The following RNGTT variants were observed in gnomAD, a reference collection of about 807,000 sequenced individuals.
The protein encoded by RNGTT is mRNA-capping enzyme.
RNGTT carries 33 observed loss-of-function variants against 79.3 expected under a neutral mutation model. The ratio of observed to expected loss-of-function variants is 0.42; its 90% CI spans 0.32 to 0.56. The LOEUF is 0.56. Among genes scored for constraint, RNGTT ranks in the 20% least tolerant of loss-of-function variants. The pLI is 0.17. For synonymous variants in RNGTT, 222 were observed against 235.9 expected (o/e 0.94, Z 0.54); for missense variants, 497 against 739.1 (o/e 0.67, Z 3.80).
chr6:88,904,053 A>C (rs1582112471), intron 6 of RNGTT, among the ~76,000 whole-genome samples: 1 of 152,250 alleles, frequency 6.6e-6, no homozygotes, highest in African/African-American at 2.4e-5. Flanking sequence ...ATTCATATGT[A>C]AAGTTATTTT....
intron 2 of RNGTT, among the ~76,000 whole-genome samples, chr6:88,934,842 G>C (rs1262877260): frequency 6.6e-6 from 1 of 151,862 alleles, no homozygotes; most frequent in Non-Finnish European, 1.5e-5. Flanking sequence ...TCCAATTCCT[G>C]GCCTCAAGCA....
At chr6:88,928,490 C>A (rs774110554) in intron 4 of RNGTT, among the ~76,000 whole-genome samples, 2 of 152,032 alleles carry the variant, frequency 1.3e-5, no homozygotes, top group Non-Finnish European at 2.9e-5. Flanking sequence ...ATGTGTTCCA[C>A]GAGCTGGTGC....
Position 88,884,840 on chromosome 6 carries a change from C to T in RNGTT, c.896+5655G>A, listed in dbSNP as rs192309596. Among the ~76,000 whole-genome samples the T allele has an allele frequency of 3.5e-3, 539 of 152,278 alleles. 8 individuals carry two copies. Among genetic ancestry groups the T allele is most frequent in the African/African-American group, 0.013 (521 of 41,544 alleles). ...AGACCAACTGTTCACAAATATTACA[C>T]TCTATTCAAATGGATTTCTCACAGT... is the stretch of plus-strand genomic sequence containing the variant. On this transcript the variant is annotated intron_variant, in intron 8 of 15. Transcript: ENST00000369485.
chr6:88,890,662 C>T, intron 7 of RNGTT, 66 bp from the exon 8 acceptor site: 1 of 1,009,992 alleles, frequency 9.9e-7, no homozygotes, highest in Non-Finnish European at 1.5e-6. Flanking sequence ...TGTCTTAAAC[C>T]AATCTCAAAT....
chr6:88,751,186 G>A (rs1004973426), intron 13 of RNGTT, among the ~76,000 whole-genome samples: 5 of 152,068 alleles, frequency 3.3e-5, no homozygotes, highest in Non-Finnish European at 7.4e-5. Flanking sequence ...TGAAAAAGAT[G>A]AATAAAGGTC....
At chr6:88,899,308 G>T (rs1029661166) in intron 6 of RNGTT, among the ~76,000 whole-genome samples, 8 of 151,524 alleles carry the variant, frequency 5.3e-5, no homozygotes, top group Non-Finnish European at 1.2e-4. Context: ...TGTCACCTAG[G>T]TTGAAGTGCA....
At chr6:88,835,825 C>A (rs972950632) in intron 11 of RNGTT, among the ~76,000 whole-genome samples, 12 of 151,726 alleles carry the variant, frequency 7.9e-5, no homozygotes, top group African/African-American at 2.7e-4. Context: ...TAGATCTGTA[C>A]CAGAAAGTTT....
intron 12 of RNGTT, among the ~76,000 whole-genome samples, chr6:88,780,179 A>G (rs1779017806): frequency 6.6e-6 from 1 of 152,202 alleles, no homozygotes; most frequent in South Asian, 2.1e-4. Flanking sequence ...CACCTAGTAA[A>G]ATGCTCAAAT....
intron 13 of RNGTT, among the ~76,000 whole-genome samples, chr6:88,715,098 A>G (rs1466909376): frequency 6.6e-6 from 1 of 152,222 alleles, no homozygotes; most frequent in African/African-American, 2.4e-5. Context: ...CCTTAAGCTG[A>G]CAGGCAACTT....
At chr6:88,644,441 C>T (rs1307210392) in intron 14 of RNGTT, among the ~76,000 whole-genome samples, 1 of 152,084 alleles carries the variant, frequency 6.6e-6, no homozygotes, top group Non-Finnish European at 1.5e-5. Flanking sequence ...GAGCTGGTAC[C>T]ATTCCTTCTG....
At chr6:88,857,133 A>C (rs1186342563) in intron 8 of RNGTT, among the ~76,000 whole-genome samples, 1 of 152,128 alleles carries the variant, frequency 6.6e-6, no homozygotes, top group African/African-American at 2.4e-5. Flanking sequence ...AATCTTTCAG[A>C]GCAGTTGCTG....
intron 14 of RNGTT, among the ~76,000 whole-genome samples, chr6:88,646,549 T>C (rs1202942251): frequency 6.6e-6 from 1 of 152,156 alleles, no homozygotes; most frequent in East Asian, 1.9e-4. Flanking sequence ...CACACCTATG[T>C]TTATTGTGGC....
At chr6:88,888,299 G>A (rs185071380) in intron 8 of RNGTT, among the ~76,000 whole-genome samples, 4 of 152,162 alleles carry the variant, frequency 2.6e-5, no homozygotes, top group African/African-American at 9.6e-5. Context: ...ACAGAAGTAA[G>A]ACATTTGTTA....
At chr6:88,908,604 G>A (rs1339442641) in intron 4 of RNGTT, among the ~76,000 whole-genome samples, 1 of 152,032 alleles carries the variant, frequency 6.6e-6, no homozygotes, top group Non-Finnish European at 1.5e-5. Flanking sequence ...GGAACCCTGG[G>A]GCACCACACT....
At chr6:88,948,440 A>T (rs1428090435) in intron 1 of RNGTT, among the ~76,000 whole-genome samples, 105 of 111,872 alleles carry the variant, frequency 9.4e-4, no homozygotes, top group Middle Eastern at 5.1e-3. Flanking sequence ...CCTACTGGGA[A>T]GTGAGGAGCC....
At chr6:88,619,915 T>C (rs1241684692) in intron 14 of RNGTT, among the ~76,000 whole-genome samples, 2 of 152,226 alleles carry the variant, frequency 1.3e-5, no homozygotes, top group Non-Finnish European at 2.9e-5. Flanking sequence ...GCAATATAAA[T>C]AGCTTTAGTC....
intron 14 of RNGTT, among the ~76,000 whole-genome samples, chr6:88,634,655 A>G: frequency 6.6e-6 from 1 of 152,126 alleles, no homozygotes; most frequent in Admixed American, 6.5e-5. Flanking sequence ...GCCTACTGAT[A>G]AGACCAAAAT....
chr6:88,778,212 T>C (rs1778954046), intron 12 of RNGTT, among the ~76,000 whole-genome samples: 1 of 152,086 alleles, frequency 6.6e-6, no homozygotes, highest in Non-Finnish European at 1.5e-5. Flanking sequence ...TGTCTTAAAA[T>C]TGATTATAGA....
Position 88,814,857 on chromosome 6 carries a change from A to G in RNGTT, c.1270-13225T>C, listed in dbSNP as rs541220768. 1.1e-4 allele frequency among the ~76,000 whole-genome samples: 17 copies of G among 152,322 alleles called. No homozygotes were observed. The South Asian group carries it at 3.5e-3, about 32-fold the overall frequency. Reference sequence around the variant, plus strand: ...AGGGAAAATCATTTATTTGTAAAATAAAATTTAAGATTTTCAAATAAAGAG... The same window carrying G: ...AGGGAAAATCATTTATTTGTAAAATGAAATTTAAGATTTTCAAATAAAGAG... On this transcript the variant is annotated intron_variant, in intron 11 of 15. Transcript: ENST00000369485.
Sources: gnomAD v4.1 joint callset for allele counts (sites outside exome capture counted in the v4.1 genomes callset) on GRCh38, gnomAD v4.1.1 for gene constraint, MANE v1.5 for transcripts, NCBI Gene and HGNC (gene_info 2026-07-23, HGNC 2026-07-21) for gene names.